Variants in XKR4 observed in about 807,000 individuals in gnomAD.
XKR4 encodes the protein XK related 4.
In XKR4, 12 loss-of-function variants were observed where a neutral mutation model predicts 53.9. The observed-to-expected ratio is 0.22, with a 90% confidence interval of 0.14 to 0.36. The LOEUF is 0.36. Among genes scored for constraint, XKR4 ranks in the 10% least tolerant of loss-of-function variants. XKR4 has a pLI of 1.00. For synonymous variants in XKR4, 354 were observed against 362.4 expected, an observed-to-expected ratio of 0.98 and a Z score of 0.26; for missense variants, 799 against 859.5, an observed-to-expected ratio of 0.93 and a Z score of 0.88.
rs564242206 is a variant in XKR4, at chr8:55,538,951, C to T, written c.*14724C>T. 47 of 152,234 alleles carry T rather than the reference C, an allele frequency of 3.1e-4. No homozygotes were observed. The highest frequency in any genetic ancestry group is 1.9e-3 in the South Asian group (9 of 4,824). The allele number at this position is 152,234 out of a possible 1,614,324, so 9.4% of individuals were successfully genotyped here. On this transcript the variant is annotated 3_prime_UTR_variant, in exon 3 of 3. Transcript: ENST00000327381. Reference sequence around the variant, plus strand: ...CGTTATAACTACATTTCAAATATTTCGGAGAAGTTTTTACACAGGGCTTCA... The same window carrying T: ...CGTTATAACTACATTTCAAATATTTTGGAGAAGTTTTTACACAGGGCTTCA...
intron 1 of XKR4, among the ~76,000 whole-genome samples, chr8:55,340,422 T>C (rs1206514681): frequency 6.6e-6 from 1 of 152,224 alleles, no homozygotes; most frequent in East Asian, 1.9e-4. Context: ...AAAGGAGAGA[T>C]AAACTATGTA....
chr8:55,295,108 A>G (rs1819083523), intron 1 of XKR4, among the ~76,000 whole-genome samples: 1 of 152,218 alleles, frequency 6.6e-6, no homozygotes, highest in Non-Finnish European at 1.5e-5. Context: ...AATACTGCTA[A>G]CACTCAGTGT....
chr8:55,456,186 C>T lies in XKR4; in HGVS notation c.1007-67095C>T, dbSNP rs182019103. 3.9e-5 allele frequency among the ~76,000 whole-genome samples: 6 copies of T among 152,280 alleles called. No homozygotes were observed. The East Asian group carries it at 1.2e-3, about 29-fold the overall frequency. On this transcript the variant is annotated intron_variant, in intron 2 of 2. Coordinates refer to ENST00000327381, the MANE Select transcript of XKR4 (RefSeq NM_052898.2). The stretch of plus-strand genomic sequence containing the variant: ...GTGGCTCACACCTGTAATCCCAGCA[C>T]TTTGGAAGGCCAAGGCGGGCGGATC...
At chr8:55,342,753 A>G (rs1803574615) in intron 1 of XKR4, among the ~76,000 whole-genome samples, 1 of 152,118 alleles carries the variant, frequency 6.6e-6, no homozygotes, top group South Asian at 2.1e-4. Context: ...TCCCTGCCAC[A>G]CATCTGAACT....
chr8:55,417,597 G>A (rs565912537), intron 2 of XKR4, among the ~76,000 whole-genome samples: 1 of 152,346 alleles, frequency 6.6e-6, no homozygotes, highest in South Asian at 2.1e-4. Context: ...AAGTGTAGCT[G>A]TAGGGTATTA....
At chr8:55,280,662 G>A (rs144676652) in intron 1 of XKR4, among the ~76,000 whole-genome samples, 26 of 152,236 alleles carry the variant, frequency 1.7e-4, no homozygotes, top group African/African-American at 6.0e-4. Context: ...TCCTTAAGGA[G>A]TTAAATTCAT....
chr8:55,142,161 T>A, intron 1 of XKR4: 1 of 456,130 alleles, frequency 2.2e-6, no homozygotes, highest in South Asian at 1.5e-5. Context: ...CTGGCCTCAC[T>A]GCTGCTCTCC....
At chr8:55,520,404 G>A (rs1806781778) in intron 2 of XKR4, among the ~76,000 whole-genome samples, 1 of 152,196 alleles carries the variant, frequency 6.6e-6, no homozygotes, top group Non-Finnish European at 1.5e-5. Flanking sequence ...TGACCAACAT[G>A]GTGAAACCCC....
intron 2 of XKR4, among the ~76,000 whole-genome samples, chr8:55,476,610 A>G (rs1805989725): frequency 6.6e-6 from 1 of 152,080 alleles, no homozygotes; most frequent in African/African-American, 2.4e-5. Flanking sequence ...TCACTCAGGA[A>G]GTGCAAGGGG....
intron 1 of XKR4, among the ~76,000 whole-genome samples, chr8:55,104,430 T>C (rs575082229): frequency 1.3e-5 from 2 of 152,318 alleles, no homozygotes; most frequent in East Asian, 1.9e-4. Context: ...TGGTGCTCTT[T>C]TTCAATTTTA....
chr8:55,296,738 A>G (rs1487811996), intron 1 of XKR4, among the ~76,000 whole-genome samples: 1 of 152,146 alleles, frequency 6.6e-6, no homozygotes, highest in Admixed American at 6.6e-5. Flanking sequence ...ATGCAGGACC[A>G]GAGGAGACCC....
At chr8:55,398,027 C>T (rs1804547110) in intron 2 of XKR4, among the ~76,000 whole-genome samples, 1 of 152,188 alleles carries the variant, frequency 6.6e-6, no homozygotes, top group South Asian at 2.1e-4. Flanking sequence ...TAGTGAAAAT[C>T]TATCTAGTCT....
chr8:55,157,198 C>T lies in XKR4; in HGVS notation c.806+53904C>T, dbSNP rs540258082. ...ATCTGTTGACTAACATTGATTGTATCGTACATTATTTATAGAGATATTTAT... is the reference window on the plus strand; with the variant it reads ...ATCTGTTGACTAACATTGATTGTATTGTACATTATTTATAGAGATATTTAT... On this transcript the variant is annotated intron_variant, in intron 1 of 2. Transcript: ENST00000327381. Among the ~76,000 whole-genome samples, 10 of 152,128 alleles carry T rather than the reference C, an allele frequency of 6.6e-5. No individual in the cohort carries two copies. In the South Asian group the frequency reaches 1.9e-3, roughly 28 times the overall value.
At chr8:55,516,827 G>A (rs1054873252) in intron 2 of XKR4, among the ~76,000 whole-genome samples, 3 of 152,194 alleles carry the variant, frequency 2.0e-5, no homozygotes, top group African/African-American at 7.2e-5. Flanking sequence ...GCACTTGTAT[G>A]TTGATCGTGG....
chr8:55,400,376 T>C (rs1382709131), intron 2 of XKR4, among the ~76,000 whole-genome samples: 2 of 152,214 alleles, frequency 1.3e-5, no homozygotes, highest in Non-Finnish European at 2.9e-5. Context: ...TACATACCCA[T>C]ACCTCCCAGG....
chr8:55,152,628 T>C (rs982882556), intron 1 of XKR4, among the ~76,000 whole-genome samples: 1 of 151,914 alleles, frequency 6.6e-6, no homozygotes, highest in Non-Finnish European at 1.5e-5. Context: ...GCAATGGTAC[T>C]CATCCAAACA....
intron 1 of XKR4, among the ~76,000 whole-genome samples, chr8:55,184,234 G>T (rs1817349223): frequency 6.6e-6 from 1 of 152,124 alleles, no homozygotes; most frequent in Admixed American, 6.5e-5. Context: ...TTGGTTGGTT[G>T]CTGTCCATCC....
intron 2 of XKR4, among the ~76,000 whole-genome samples, chr8:55,381,953 G>A (rs1360197567): frequency 6.6e-6 from 1 of 152,174 alleles, no homozygotes; most frequent in Non-Finnish European, 1.5e-5. Context: ...AAGGGGAGAG[G>A]CCACATCAGG....
intron 1 of XKR4, among the ~76,000 whole-genome samples, chr8:55,259,395 T>C (rs558910035): frequency 5.9e-5 from 9 of 152,322 alleles, no homozygotes; most frequent in Non-Finnish European, 1.2e-4. Context: ...ACTAGTGCGA[T>C]ATGAGTTGAT....
Sources: gnomAD v4.1 joint callset for allele counts (sites outside exome capture counted in the v4.1 genomes callset) on GRCh38, gnomAD v4.1.1 for gene constraint, MANE v1.5 for transcripts, NCBI Gene and HGNC (gene_info 2026-07-23, HGNC 2026-07-21) for gene names.